GNAO1: variants seen among roughly 807,000 people sequenced by gnomAD.
GNAO1 encodes the protein guanine nucleotide-binding protein G(o) subunit alpha.
For missense variants in GNAO1, 166 were observed against 478.7 expected (o/e 0.35, Z 6.10); for synonymous variants, 164 against 180.7 (o/e 0.91, Z 0.74).
intron 6 of GNAO1, chr16:56,345,369 C>A (rs1163034011): frequency 4.1e-6 from 4 of 985,460 alleles, no homozygotes; most frequent in Admixed American, 1.2e-4. Flanking sequence ...TCCCTGCCCC[C>A]ACTCTGGACA....
At chr16:56,340,694 G>A (rs568686038) in intron 6 of GNAO1, 202 of 734,324 alleles carry the variant, frequency 2.8e-4, no homozygotes, top group South Asian at 2.3e-3. Flanking sequence ...TCCCGTCTCC[G>A]TCCTGGTGGT....
Position 56,309,821 on chromosome 16 carries a change from C to T in GNAO1, c.304-18810C>T, listed in dbSNP as rs1273092226. Among the ~76,000 whole-genome samples the T allele has an allele frequency of 2.8e-4, 43 of 152,184 alleles. 1 individual carries two copies. ...CTGTGCTGGGTGCTGGGGCAGTCCT[C>T]CCCAGAGTGGAGAAAGGACATCAGT... On this transcript the variant is annotated intron_variant, in intron 3 of 8. Transcript: ENST00000262493.
At chr16:56,348,271 G>A (rs1474682421) in intron 6 of GNAO1, 2 of 796,112 alleles carry the variant, frequency 2.5e-6, no homozygotes, top group African/African-American at 1.9e-5. Context: ...GTGTCCTCGG[G>A]CCCTGCCCCA....
At chr16:56,342,005 A>G (rs1249579906) in intron 6 of GNAO1, among the ~76,000 whole-genome samples, 2 of 152,164 alleles carry the variant, frequency 1.3e-5, no homozygotes, top group African/African-American at 4.8e-5. Context: ...GCCTCCGCCC[A>G]TCCCCCCATA....
intron 2 of GNAO1, among the ~76,000 whole-genome samples, chr16:56,199,188 C>T (rs1306979038): frequency 6.6e-6 from 1 of 152,118 alleles, no homozygotes; most frequent in Non-Finnish European, 1.5e-5. Context: ...TGTAGGGTAT[C>T]CATGAAAGTT....
chr16:56,312,550 C>T (rs970350365), intron 3 of GNAO1, among the ~76,000 whole-genome samples: 11 of 152,248 alleles, frequency 7.2e-5, no homozygotes, highest in African/African-American at 2.7e-4. Flanking sequence ...CCCCTGAACC[C>T]AGAGGTCCCT....
At chr16:56,194,908 T>C (rs1223544670) in intron 2 of GNAO1, among the ~76,000 whole-genome samples, 3 of 152,180 alleles carry the variant, frequency 2.0e-5, no homozygotes, top group African/African-American at 4.8e-5. Context: ...TTCCTAATTA[T>C]GTACTGGGCA....
chr16:56,340,708 C>T (rs1036257785), intron 6 of GNAO1: 13 of 802,516 alleles, frequency 1.6e-5, no homozygotes, highest in East Asian at 7.3e-5. Flanking sequence ...TGGTGGTCTC[C>T]GTCCCGGTGG....
At position 56,356,900 on chromosome 16, in the gene GNAO1, G is replaced by C. The variant is rs2037974328; in HGVS notation, c.*826G>C. ...CGGGTTGTGTTTTTTTTCCTTTGCC[G>C]TGTTGGATTTCCGGTCCCGGCTGAC... On this transcript the variant is annotated 3_prime_UTR_variant, in exon 9 of 9. Coordinates refer to ENST00000262493, the MANE Select transcript of GNAO1 (RefSeq NM_020988.3). 1 of 147,750 alleles carries C rather than the reference G, an allele frequency of 6.8e-6. No homozygotes were observed. Among genetic ancestry groups the C allele is most frequent in the Non-Finnish European group, 1.5e-5 (1 of 67,310 alleles). The allele number at this position is 147,750 out of a possible 1,614,324, so 9.2% of individuals were successfully genotyped here. A position where few individuals can be genotyped will look rare whatever the true frequency, so the allele number is the denominator to read the frequency against.
chr16:56,248,074 C>T (rs1458323604), intron 2 of GNAO1, among the ~76,000 whole-genome samples: 1 of 152,260 alleles, frequency 6.6e-6, no homozygotes, highest in Non-Finnish European at 1.5e-5. Flanking sequence ...CTGTTAGTGC[C>T]TTTAAGAAAA....
At chr16:56,313,259 G>C (rs1431056207) in intron 3 of GNAO1, among the ~76,000 whole-genome samples, 4 of 151,662 alleles carry the variant, frequency 2.6e-5, no homozygotes, top group African/African-American at 4.8e-5. Flanking sequence ...TAAACATTTT[G>C]GTTTATACTC....
intron 2 of GNAO1, among the ~76,000 whole-genome samples, chr16:56,227,083 A>G (rs1241605864): frequency 6.6e-6 from 1 of 152,164 alleles, no homozygotes; most frequent in South Asian, 2.1e-4. Flanking sequence ...AAAAAGAGGA[A>G]GGTGGGGAGG....
intron 3 of GNAO1, among the ~76,000 whole-genome samples, chr16:56,291,722 T>C (rs1240756681): frequency 6.6e-6 from 1 of 152,150 alleles, no homozygotes; most frequent in Non-Finnish European, 1.5e-5. Flanking sequence ...CAGAAATGAA[T>C]TGCCCACATT....
At chr16:56,337,667 G>A (rs577323566) in intron 6 of GNAO1, among the ~76,000 whole-genome samples, 2 of 152,340 alleles carry the variant, frequency 1.3e-5, no homozygotes, top group South Asian at 4.2e-4. Context: ...GCCTGTGGGG[G>A]GCTGTTGGCA....
At chr16:56,315,146 C>G (rs1486009628) in intron 3 of GNAO1, among the ~76,000 whole-genome samples, 1 of 152,186 alleles carries the variant, frequency 6.6e-6, no homozygotes, top group East Asian at 1.9e-4. Context: ...CTTGCCTATT[C>G]CCACCCTGCA....
chr16:56,354,366 G>A lies in GNAO1; in HGVS notation c.878-500G>A, dbSNP rs964229933. Among the ~76,000 whole-genome samples the A allele has an allele frequency of 1.4e-5, 2 of 143,788 alleles. No homozygotes were observed. Among genetic ancestry groups the A allele is most frequent in the African/African-American group, 5.4e-5 (2 of 37,222 alleles). The allele number at this position is 143,788 out of a possible 152,430, so 94.3% of individuals were successfully genotyped here. The stretch of plus-strand genomic sequence containing the variant: ...TGGTGCAAAAGTAATTGCAGTAATT[G>A]CAGTTTTGCTATCAAAAGTAATGGC... On this transcript the variant is annotated intron_variant, in intron 7 of 8. Transcript: ENST00000262493. This position sits in a 1 kb window ranked among gnomAD's most constrained non-coding sequence, Gnocchi z 4.3.
chr16:56,266,397 T>A (rs541405068), intron 2 of GNAO1, among the ~76,000 whole-genome samples: 50 of 152,292 alleles, frequency 3.3e-4, no homozygotes, highest in Admixed American at 1.1e-3. Flanking sequence ...TCTACACTCT[T>A]GGAATTCTGG....
At chr16:56,195,949 A>T (rs1429403352) in intron 2 of GNAO1, among the ~76,000 whole-genome samples, 2 of 152,170 alleles carry the variant, frequency 1.3e-5, no homozygotes, top group Non-Finnish European at 2.9e-5. Flanking sequence ...GCTGTTTAGA[A>T]CAAAGGGTTA....
chr16:56,291,143 C>T (rs2037228668), intron 3 of GNAO1, among the ~76,000 whole-genome samples: 1 of 152,188 alleles, frequency 6.6e-6, no homozygotes, highest in Admixed American at 6.5e-5. Context: ...AGGGGCAAAA[C>T]TGATGGTTCA....
Sources: gnomAD v4.1 joint callset for allele counts (sites outside exome capture counted in the v4.1 genomes callset) on GRCh38, gnomAD v4.1.1 for gene constraint, Gnocchi (gnomAD v3.1) non-coding constraint, MANE v1.5 for transcripts, NCBI Gene and HGNC (gene_info 2026-07-23, HGNC 2026-07-21) for gene names.